Variants in CDKN2A observed in about 807,000 individuals in gnomAD.
The protein encoded by CDKN2A is cyclin-dependent kinase inhibitor 2A.
A neutral mutation model predicts 11.1 loss-of-function variants in CDKN2A; 3 were observed. The ratio of observed to expected loss-of-function variants is 0.27; its 90% CI spans 0.12 to 0.70. The LOEUF (loss-of-function observed/expected upper bound fraction) is 0.70, where lower values mean the gene tolerates loss of function less well. CDKN2A is among the 30% of genes least tolerant of loss of function. CDKN2A has a pLI of 0.77. For synonymous variants in CDKN2A, 122 were observed against 108.1 expected (o/e 1.13, Z -0.80); for missense variants, 265 against 233.6 (o/e 1.13, Z -0.88).
rs1819911546 is a variant in CDKN2A, at chr9:21,974,192, G to A, written c.150+486C>T. Reference sequence around the variant, plus strand: ...AAGGCGTGAGGCACCGCGCCCGGCCGCTTCTGAATAATTTCGATCAAAATT... The same window carrying A: ...AAGGCGTGAGGCACCGCGCCCGGCCACTTCTGAATAATTTCGATCAAAATT... On this transcript the variant is annotated intron_variant, in intron 1 of 2. Transcript: ENST00000304494. The surrounding 1 kb of genome is among the most constrained non-coding windows in gnomAD (Gnocchi z 5.2). Among the ~76,000 whole-genome samples the A allele has an allele frequency of 6.6e-6, 1 of 152,076 alleles. No individual in the cohort carries two copies. The highest frequency in any genetic ancestry group is 6.5e-5 in the Admixed American group (1 of 15,282).
intron 2 of CDKN2A, among the ~76,000 whole-genome samples, chr9:21,980,726 G>A (rs1161605659): frequency 6.6e-6 from 1 of 151,502 alleles, no homozygotes; most frequent in South Asian, 2.1e-4. Context: ...TTGGGAGGCC[G>A]AGGCGGGCGG....
intron 2 of CDKN2A, among the ~76,000 whole-genome samples, chr9:21,990,610 G>A (rs1189031260): frequency 7.2e-6 from 1 of 138,248 alleles, no homozygotes; most frequent in Non-Finnish European, 1.5e-5. Context: ...AACTAATTTG[G>A]TGAGAGAGAG....
chr9:21,975,967 A>T (rs1306423161), upstream of CDKN2A, among the ~76,000 whole-genome samples: 1 of 152,212 alleles, frequency 6.6e-6, no homozygotes, highest in Admixed American at 6.5e-5. Flanking sequence ...AGTTTAAATG[A>T]TGTATTAATA....
intron 2 of CDKN2A, among the ~76,000 whole-genome samples, chr9:21,990,611 T>TGAGAGAGAGAGAGAGA (rs60431211): frequency 0.066 from 5,861 of 89,436 alleles, 722 homozygotes; most frequent in East Asian, 0.083. Flanking sequence ...ACTAATTTGG[T>TGAGAGAGAGAGAGAGA]GAGAGAGAGA....
chr9:21,970,158 G>A (rs1819638061), intron 2 of CDKN2A: 1 of 250,578 alleles, frequency 4.0e-6, no homozygotes, highest in Non-Finnish European at 7.7e-6. Flanking sequence ...GGGAACTGGG[G>A]CCATGGAATG....
rs952518206 is a variant in CDKN2A, at chr9:21,968,517, C to A, written c.458-275G>T. 6.9e-7 allele frequency: 1 copy of A among 1,450,512 alleles called. No individual in the cohort carries two copies. The highest frequency in any genetic ancestry group is 9.0e-7 in the Non-Finnish European group (1 of 1,109,100). 89.9% of individuals were successfully genotyped at this position (1,450,512 alleles called of 1,614,324 possible). On this transcript the variant is annotated intron_variant, in intron 2 of 2. Coordinates refer to ENST00000304494, the MANE Select transcript of CDKN2A (RefSeq NM_000077.5). This position sits in a 1 kb window ranked among gnomAD's most constrained non-coding sequence, Gnocchi z 4.7. ...GGGCAGAGAAAGCGCGACCGCGCGG[C>A]CCGCAGGGTTGCAAGAAGAAAACGA...
At chr9:21,970,035 G>C (rs1429623049) in intron 2 of CDKN2A, among the ~76,000 whole-genome samples, 1 of 151,972 alleles carries the variant, frequency 6.6e-6, no homozygotes, top group African/African-American at 2.4e-5. Flanking sequence ...TTAAATATTC[G>C]TGTTAATTCC....
intron 2 of CDKN2A, among the ~76,000 whole-genome samples, chr9:21,986,235 T>C (rs1239140730): frequency 6.6e-6 from 1 of 152,102 alleles, no homozygotes; most frequent in African/African-American, 2.4e-5. Flanking sequence ...AAGTGGTTCC[T>C]GTGCTGGTGA....
chr9:21,970,783 G>A, intron 2 of CDKN2A, 119 bp downstream of exon 2: 2 of 1,275,152 alleles, frequency 1.6e-6, no homozygotes, highest in South Asian at 1.3e-5. Flanking sequence ...ACCGATTGGC[G>A]CGTGAGCTGA....
rs145143907 is a variant in CDKN2A at position 21,974,439 on chromosome 9, C to A, written c.150+239G>T. The A allele has an allele frequency of 4.7e-4, 762 of 1,610,682 alleles. 4 individuals carry two copies. The African/African-American group carries it at 9.1e-3, about 19-fold the overall frequency. The stretch of plus-strand genomic sequence containing the variant: ...TACAAATATGTTCCCCCCTTCAGAT[C>A]TTCTCAGCATTCGAGAGATCTGTAC... On this transcript the variant is annotated intron_variant, in intron 1 of 2. Transcript: ENST00000304494. This position sits in a 1 kb window ranked among gnomAD's most constrained non-coding sequence, Gnocchi z 5.2.
chr9:21,968,693 C>G lies in CDKN2A; in HGVS notation c.458-451G>C, dbSNP rs1819531286. 6.5e-7 allele frequency: 1 copy of G among 1,536,178 alleles called. No homozygotes were observed. The highest frequency in any genetic ancestry group is 8.7e-7 in the Non-Finnish European group (1 of 1,146,890). On this transcript the variant is annotated intron_variant, in intron 2 of 2. Coordinates refer to ENST00000304494, the MANE Select transcript of CDKN2A (RefSeq NM_000077.5). This position sits in a 1 kb window ranked among gnomAD's most constrained non-coding sequence, Gnocchi z 4.7. ...CGATAACCAAAGGGCGCCTCAGGCTCTGGCGCTCCTCGGCGGAATCCCGTA... is the reference window on the plus strand; with the variant it reads ...CGATAACCAAAGGGCGCCTCAGGCTGTGGCGCTCCTCGGCGGAATCCCGTA...
chr9:21,985,212 A>T (rs1027021021), intron 2 of CDKN2A, among the ~76,000 whole-genome samples: 4 of 151,962 alleles, frequency 2.6e-5, no homozygotes, highest in Non-Finnish European at 4.4e-5. Context: ...CAAAAAGGCA[A>T]TGATAACAGA....
chr9:21,994,544 G>A, intron 1 of CDKN2A: 1 of 1,144,676 alleles, frequency 8.7e-7, no homozygotes, highest in African/African-American at 2.2e-5. Flanking sequence ...CTCCCACCCG[G>A]ACCTCCAAGA....
chr9:21,973,461 T>C (rs1421057485), intron 1 of CDKN2A, among the ~76,000 whole-genome samples: 2 of 152,262 alleles, frequency 1.3e-5, no homozygotes, highest in Non-Finnish European at 2.9e-5. Context: ...CACTTTTCTT[T>C]TTCCTTTTTG....
intron 2 of CDKN2A, among the ~76,000 whole-genome samples, chr9:21,983,415 T>C (rs2131130781): frequency 6.6e-6 from 1 of 152,194 alleles, no homozygotes; most frequent in African/African-American, 2.4e-5. Flanking sequence ...TACAGCATTT[T>C]CCAAACTTCT....
In CDKN2A at chr9:21,970,544, C is replaced by A; in HGVS notation, c.457+358G>T. The stretch of plus-strand genomic sequence containing the variant: ...AGGAAACAGACCTGGTAAGTGGATG[C>A]AACTGGCCCTAGTTTGGAGGAAGAG... On this transcript the variant is annotated intron_variant, in intron 2 of 2. Coordinates refer to ENST00000304494, the MANE Select transcript of CDKN2A (RefSeq NM_000077.5). 5.7e-6 allele frequency: 3 copies of A among 529,480 alleles called. No homozygotes were observed. In the South Asian group the frequency reaches 7.0e-5, roughly 12 times the overall value. 32.8% of individuals were successfully genotyped at this position (529,480 alleles called of 1,614,324 possible). A position where few individuals can be genotyped will look rare whatever the true frequency, so the allele number is the denominator to read the frequency against.
At chr9:21,976,378 CAAAAAAAAAAA>C (rs71336505), upstream of CDKN2A, among the ~76,000 whole-genome samples, 1 of 124,206 alleles carries the variant, frequency 8.1e-6, no homozygotes, top group African/African-American at 3.1e-5. Context: ...GACTCCGACT[CAAAAAAAAAAA>C]AAAAAATGCT....
upstream of CDKN2A, among the ~76,000 whole-genome samples, chr9:21,979,743 A>G (rs1294192084): frequency 6.6e-6 from 1 of 152,166 alleles, no homozygotes; most frequent in African/African-American, 2.4e-5. Flanking sequence ...TGGGTTGAGT[A>G]AGACTCAGAC....
chr9:21,971,385 G>T, intron 1 of CDKN2A, 177 bp from the exon 2 acceptor site: 1 of 1,463,992 alleles, frequency 6.8e-7, no homozygotes, highest in Non-Finnish European at 9.0e-7. Context: ...CCATTCTTCA[G>T]TACACAATGA....
Sources: allele counts gnomAD v4.1 joint callset (sites outside exome capture counted in the v4.1 genomes callset), GRCh38; gene constraint gnomAD v4.1.1; non-coding constraint Gnocchi (gnomAD v3.1); transcripts MANE v1.5; gene names NCBI Gene and HGNC (gene_info 2026-07-23, HGNC 2026-07-21).